Variants in RPS6KC1 observed in about 807,000 individuals in gnomAD.
RPS6KC1 encodes inactive ribosomal protein S6 kinase delta-1.
RPS6KC1 carries 54 observed loss-of-function variants against 103.8 expected under a neutral mutation model. That is an observed-to-expected ratio of 0.52 (90% CI 0.42 to 0.65). The LOEUF is 0.65. RPS6KC1 is among the 30% of genes least tolerant of loss of function. The pLI, the probability that RPS6KC1 is intolerant of heterozygous loss-of-function variation, is 0.00. For missense variants in RPS6KC1, 1,151 were observed against 1,253.8 expected (o/e 0.92, Z 1.24); for synonymous variants, 439 against 438.7 (o/e 1.00, Z -0.01).
At chr1:213,112,097 G>A (rs146881254) in intron 4 of RPS6KC1, among the ~76,000 whole-genome samples, 3 of 152,264 alleles carry the variant, frequency 2.0e-5, no homozygotes, top group Non-Finnish European at 4.4e-5. Flanking sequence ...TTCTGATTAG[G>A]TAAAGATAGT....
chr1:213,634,020 A>G, the RPS6KC1 span, among the ~76,000 whole-genome samples: 2 of 152,054 alleles, frequency 1.3e-5, no homozygotes, highest in East Asian at 1.9e-4. Context: ...ATTCAACAAG[A>G]AGAGCTAACT....
the RPS6KC1 span, among the ~76,000 whole-genome samples, chr1:213,306,062 C>G: frequency 6.6e-6 from 1 of 152,196 alleles, no homozygotes; most frequent in Non-Finnish European, 1.5e-5. Context: ...TCAGGCAGCT[C>G]TCCTTCAATG....
At chr1:213,343,959 A>G in the RPS6KC1 span, among the ~76,000 whole-genome samples, 2 of 152,298 alleles carry the variant, frequency 1.3e-5, no homozygotes, top group East Asian at 1.9e-4. Flanking sequence ...ATTTTGACCC[A>G]AGGTTTCTAT....
chr1:213,846,586 C>T, the RPS6KC1 span, among the ~76,000 whole-genome samples: 1 of 152,164 alleles, frequency 6.6e-6, no homozygotes, highest in Non-Finnish European at 1.5e-5. Flanking sequence ...AAAAACAAAA[C>T]ATCAAGATAT....
At chr1:213,566,437 G>GTTTTTTTTTTTTTTTTTTTTTTTTT in the RPS6KC1 span, among the ~76,000 whole-genome samples, 6 of 48,524 alleles carry the variant, frequency 1.2e-4, 1 homozygote, top group Non-Finnish European at 1.8e-4. Flanking sequence ...TCAGCCTTTA[G>GTTTTTTTTTTTTTTTTTTTTTTTTT]TTTTTTTTTT....
chr1:213,835,523 G>T, the RPS6KC1 span, among the ~76,000 whole-genome samples: 22 of 152,160 alleles, frequency 1.4e-4, no homozygotes, highest in African/African-American at 4.8e-4. Context: ...GCCAGACTTG[G>T]CAGGGAGGAC....
the RPS6KC1 span, among the ~76,000 whole-genome samples, chr1:213,621,172 G>A: frequency 2.6e-5 from 4 of 152,168 alleles, no homozygotes; most frequent in Admixed American, 6.5e-5. Flanking sequence ...TATTTACTGT[G>A]TTTGCCTTGA....
intron 8 of RPS6KC1, among the ~76,000 whole-genome samples, chr1:213,205,889 A>T (rs2093336786): frequency 1.3e-5 from 2 of 152,190 alleles, no homozygotes; most frequent in Middle Eastern, 6.8e-3. Flanking sequence ...TATTTGCATT[A>T]TATTTACCAG....
Position 213,241,719 on chromosome 1 carries a change from G to A in RPS6KC1, c.2243G>A (p.Gly748Asp), listed in dbSNP as rs185451843. ...TEQCQAHEEK[G>D]IEELSDPSGP... ...CAATGCCAAGCACATGAGGAGAAAG[G>A]CATAGAGGAACTGAGTGATCCCTCT... The change falls in exon 11 of 15, where the codon GGC becomes GAC. Residue 748 changes from glycine (G) to aspartate (D), a missense_variant. By Grantham distance (94) the Gly-to-Asp change is moderately conservative (BLOSUM62 -1). Transcript: ENST00000366960. 3.1e-6 allele frequency: 5 copies of A among 1,613,954 alleles called. No individual in the cohort carries two copies. In the East Asian group the frequency reaches 1.1e-4, roughly 36 times the overall value.
At chr1:213,230,629 G>A in intron 9 of RPS6KC1, 85 bp downstream of exon 9, 2 of 918,434 alleles carry the variant, frequency 2.2e-6, no homozygotes, top group Non-Finnish European at 3.3e-6. Context: ...AAGGTCAGGA[G>A]TTCGAGACTA....
the RPS6KC1 span, among the ~76,000 whole-genome samples, chr1:213,312,941 C>T: frequency 6.6e-6 from 1 of 152,176 alleles, no homozygotes; most frequent in Non-Finnish European, 1.5e-5. Flanking sequence ...AGTTAAGGTT[C>T]TCATGATTCC....
chr1:213,149,348 T>C (rs1453772156), intron 6 of RPS6KC1, among the ~76,000 whole-genome samples: 1 of 152,220 alleles, frequency 6.6e-6, no homozygotes, highest in African/African-American at 2.4e-5. Context: ...GGATGTTGTG[T>C]TTCCATTATG....
the RPS6KC1 span, among the ~76,000 whole-genome samples, chr1:213,510,070 G>A: frequency 6.6e-6 from 1 of 152,102 alleles, no homozygotes; most frequent in Non-Finnish European, 1.5e-5. Flanking sequence ...CCTACAATAG[G>A]GTGCTAATTC....
intron 8 of RPS6KC1, among the ~76,000 whole-genome samples, chr1:213,225,306 C>T (rs979272176): frequency 1.3e-5 from 2 of 152,030 alleles, no homozygotes; most frequent in Non-Finnish European, 2.9e-5. Flanking sequence ...TCAATGTGAA[C>T]GTTGTCTAGT....
the RPS6KC1 span, among the ~76,000 whole-genome samples, chr1:213,787,171 A>C: frequency 6.6e-6 from 1 of 152,198 alleles, no homozygotes; most frequent in Non-Finnish European, 1.5e-5. Context: ...AAGTATTATC[A>C]AGCATCTTCT....
At chr1:213,162,237 A>G (rs1032559101) in intron 6 of RPS6KC1, among the ~76,000 whole-genome samples, 6 of 152,180 alleles carry the variant, frequency 3.9e-5, no homozygotes, top group Non-Finnish European at 7.4e-5. Context: ...AAGAGTTTGG[A>G]CTGCAAATAA....
chr1:213,533,704 A>G, the RPS6KC1 span, among the ~76,000 whole-genome samples: 1 of 152,110 alleles, frequency 6.6e-6, no homozygotes, highest in Non-Finnish European at 1.5e-5. Flanking sequence ...CCACTTCCAC[A>G]CGTTGCTATA....
chr1:213,189,402 T>A (rs1374908183), intron 8 of RPS6KC1, among the ~76,000 whole-genome samples: 1 of 144,190 alleles, frequency 6.9e-6, no homozygotes, highest in African/African-American at 2.6e-5. Flanking sequence ...TGAGCCGAGA[T>A]CATGCCAGTG....
the RPS6KC1 span, among the ~76,000 whole-genome samples, chr1:213,711,982 G>A: frequency 6.6e-6 from 1 of 152,206 alleles, no homozygotes; most frequent in Non-Finnish European, 1.5e-5. Flanking sequence ...CTGTCAGGAG[G>A]CACAGGGGTC....
Sources: gnomAD v4.1 joint callset for allele counts (sites outside exome capture counted in the v4.1 genomes callset) on GRCh38, gnomAD v4.1.1 for gene constraint, MANE v1.5 for transcripts, NCBI Gene and HGNC (gene_info 2026-07-23, HGNC 2026-07-21) for gene names.